Variants in GALK2 observed in about 807,000 individuals in gnomAD.
The protein encoded by GALK2 is galactokinase 2.
A neutral mutation model predicts 52.4 loss-of-function variants in GALK2; 36 were observed. The ratio of observed to expected loss-of-function variants is 0.69; its 90% CI spans 0.53 to 0.91. The LOEUF (loss-of-function observed/expected upper bound fraction) is 0.91. Ranked by LOEUF, GALK2 falls within the 40% of genes least tolerant of loss-of-function variation. The pLI, the probability that GALK2 is intolerant of heterozygous loss-of-function variation, is 0.00. For missense variants in GALK2, 579 were observed against 559.1 expected (o/e 1.04, Z -0.36); for synonymous variants, 176 against 199.1 (o/e 0.88, Z 0.98).
At chr15:49,311,440 C>T (rs898054996) in intron 8 of GALK2, among the ~76,000 whole-genome samples, 1 of 152,202 alleles carries the variant, frequency 6.6e-6, no homozygotes, top group Admixed American at 6.5e-5. Context: ...TCTGTTGCTT[C>T]TATTTCTTTA....
chr15:49,287,087 A>C (rs1019780137), intron 7 of GALK2, among the ~76,000 whole-genome samples: 3 of 152,300 alleles, frequency 2.0e-5, no homozygotes, highest in African/African-American at 7.2e-5. Context: ...TTAACTAGAA[A>C]AAGGGCATCT....
At chr15:49,281,232 G>A (rs185722424) in intron 5 of GALK2, among the ~76,000 whole-genome samples, 1 of 152,294 alleles carries the variant, frequency 6.6e-6, no homozygotes, top group Admixed American at 6.5e-5. Context: ...CAGGACAGAA[G>A]ACAGGAAGTA....
chr15:49,355,474 G>A (rs1351397120), intron 3 of GALK2, among the ~76,000 whole-genome samples: 2 of 152,150 alleles, frequency 1.3e-5, no homozygotes, highest in Non-Finnish European at 2.9e-5. Flanking sequence ...GCGATCAACT[G>A]GAAGAAAGGG....
chr15:49,352,697 G>C (rs1030142009), intron 3 of GALK2, among the ~76,000 whole-genome samples: 2 of 152,078 alleles, frequency 1.3e-5, no homozygotes, highest in Non-Finnish European at 2.9e-5. Context: ...ATAAGACAGT[G>C]AACAAATTAA....
chr15:49,156,750 A>G (rs2084469646), intron 1 of GALK2: 1 of 570,380 alleles, frequency 1.8e-6, no homozygotes, highest in Non-Finnish European at 3.2e-6. Flanking sequence ...CAAGAATATC[A>G]TTTAGAACAG....
At chr15:49,229,152 G>C (rs2090360330) in intron 3 of GALK2, among the ~76,000 whole-genome samples, 1 of 152,178 alleles carries the variant, frequency 6.6e-6, no homozygotes, top group Non-Finnish European at 1.5e-5. Context: ...ATGTACCTAT[G>C]ATATTGGTTG....
chr15:49,169,483 T>A (rs1194523846), upstream of GALK2, among the ~76,000 whole-genome samples: 1 of 152,146 alleles, frequency 6.6e-6, no homozygotes, highest in African/African-American at 2.4e-5. Context: ...CCAATCTGCC[T>A]GCCCCCAGTT....
intron 3 of GALK2, among the ~76,000 whole-genome samples, chr15:49,220,078 T>TTTTTTTTAG (rs2089680708): frequency 6.7e-6 from 1 of 149,064 alleles, no homozygotes; most frequent in African/African-American, 2.5e-5. Context: ...TTTTTTTTTT[T>TTTTTTTTAG]GAGACAGAGT....
intron 1 of GALK2, among the ~76,000 whole-genome samples, chr15:49,170,777 G>T (rs2085024060): frequency 1.3e-5 from 2 of 151,900 alleles, no homozygotes; most frequent in Non-Finnish European, 2.9e-5. Context: ...AAACCTTCTT[G>T]GTGTCTGCAT....
chr15:49,333,722 C>T (rs2039219204), downstream of GALK2, among the ~76,000 whole-genome samples: 1 of 152,156 alleles, frequency 6.6e-6, no homozygotes, highest in Non-Finnish European at 1.5e-5. Flanking sequence ...GGGGGCTTGT[C>T]TGAAGGGCTG....
chr15:49,326,720 G>A (rs2037562312), intron 9 of GALK2, among the ~76,000 whole-genome samples: 1 of 152,176 alleles, frequency 6.6e-6, no homozygotes, highest in Non-Finnish European at 1.5e-5. Context: ...GAGGAGATCA[G>A]TGATGTTTAT....
rs147245749 is a variant in GALK2, at chr15:49,346,167, G to A, written c.427-21324G>A. Among the ~76,000 whole-genome samples, 145 of 151,486 alleles carry A rather than the reference G, an allele frequency of 9.6e-4. 1 individual carries two copies. In the East Asian group the frequency reaches 0.015, roughly 16 times the overall value. The stretch of plus-strand genomic sequence containing the variant: ...CATAGTTCACCAAAACAACACTTCC[G>A]TTGTTTTTCAGAAACTTGGGCCAGC... On this transcript the variant is annotated intron_variant, in intron 3 of 3. Transcript: ENST00000558399.
At chr15:49,165,697 C>A (rs2084796378), upstream of GALK2, among the ~76,000 whole-genome samples, 2 of 151,106 alleles carry the variant, frequency 1.3e-5, no homozygotes, top group Admixed American at 1.3e-4. Flanking sequence ...TTTAACATTT[C>A]TTTTTATTGT....
At chr15:49,280,928 C>A (rs1431854485) in intron 5 of GALK2, among the ~76,000 whole-genome samples, 1 of 152,122 alleles carries the variant, frequency 6.6e-6, no homozygotes, top group Non-Finnish European at 1.5e-5. Context: ...CCTCCGCTGC[C>A]CAGGTTCAAG....
In GALK2 at chr15:49,303,495, G is replaced by A. The variant is rs1596034623; in HGVS notation, c.967+10958G>A. 2.6e-5 allele frequency among the ~76,000 whole-genome samples: 4 copies of A among 152,320 alleles called. No individual in the cohort carries two copies. The South Asian group carries it at 8.3e-4, about 32-fold the overall frequency. On this transcript the variant is annotated intron_variant, in intron 8 of 9. Coordinates refer to ENST00000560031, the MANE Select transcript of GALK2 (RefSeq NM_002044.4). Reference sequence around the variant, plus strand: ...GGTTCTGGCTTCTGAGGCCAGCAGAGAAGTAACAATGTGCATGAACTGCCG... The same window carrying A: ...GGTTCTGGCTTCTGAGGCCAGCAGAAAAGTAACAATGTGCATGAACTGCCG...
chr15:49,331,514 T>C lies in GALK2; in HGVS notation c.*3355T>C, dbSNP rs1251113252. On this transcript the variant is annotated 3_prime_UTR_variant, in exon 10 of 10. Transcript: ENST00000560031. ...TTAAACATCAGTGATTATTAGTTTG[T>C]AATTCTAACTGCATTTGGAGCTTTT... 5.1e-6 allele frequency: 2 copies of C among 395,482 alleles called. No individual in the cohort carries two copies. The highest frequency in any genetic ancestry group is 8.2e-5 in the Admixed American group (2 of 24,316). The allele number at this position is 395,482 out of a possible 1,614,324, so 24.5% of individuals were successfully genotyped here. A position where few individuals can be genotyped will look rare whatever the true frequency, so the allele number is the denominator to read the frequency against.
At chr15:49,293,671 G>A (rs566570133) in intron 8 of GALK2, among the ~76,000 whole-genome samples, 4 of 152,308 alleles carry the variant, frequency 2.6e-5, no homozygotes, top group Admixed American at 6.5e-5. Flanking sequence ...GAAAATAGGC[G>A]TAACAGGAAT....
At chr15:49,228,517 C>T (rs1159592486) in intron 3 of GALK2, among the ~76,000 whole-genome samples, 1 of 149,496 alleles carries the variant, frequency 6.7e-6, no homozygotes, top group Non-Finnish European at 1.5e-5. Flanking sequence ...TTGAGGCTTT[C>T]AAATGCATGT....
chr15:49,293,311 T>C (rs1168733804), intron 8 of GALK2, among the ~76,000 whole-genome samples: 1 of 152,230 alleles, frequency 6.6e-6, no homozygotes, highest in Non-Finnish European at 1.5e-5. Flanking sequence ...CTGAAAACTT[T>C]GGGATGAGAT....
Sources: gnomAD v4.1 joint callset for allele counts (sites outside exome capture counted in the v4.1 genomes callset) on GRCh38, gnomAD v4.1.1 for gene constraint, MANE v1.5 for transcripts, NCBI Gene and HGNC (gene_info 2026-07-23, HGNC 2026-07-21) for gene names.